MYO10: variants seen among roughly 807,000 people sequenced by gnomAD.
MYO10 encodes myosin X.
Under a neutral mutation model 257.3 loss-of-function variants are expected in MYO10, and 133 were observed. The observed-to-expected ratio is 0.52, with a 90% CI of 0.45 to 0.60. The LOEUF is 0.60. Ranked by LOEUF, MYO10 falls within the 20% of genes least tolerant of loss-of-function variation. MYO10 has a pLI of 0.00. For synonymous variants in MYO10, 1,104 were observed against 1,028.6 expected, an observed-to-expected ratio of 1.07 and a Z score of -1.40; for missense variants, 2,399 against 2,635.7, an observed-to-expected ratio of 0.91 and a Z score of 1.97.
intron 1 of MYO10, among the ~76,000 whole-genome samples, chr5:16,920,866 C>T (rs764164039): frequency 9.9e-5 from 15 of 152,034 alleles, no homozygotes; most frequent in Admixed American, 9.8e-4. Flanking sequence ...GCCTGTAATC[C>T]CAGCACTTTG....
intron 1 of MYO10, among the ~76,000 whole-genome samples, chr5:16,887,716 A>C (rs2625168): frequency 0.53 from 79,783 of 151,840 alleles, 21,842 homozygotes; most frequent in African/African-American, 0.69. Flanking sequence ...GTATCAAACG[A>C]CTGACCTCAG....
At position 16,856,989 on chromosome 5, in the gene MYO10, T is replaced by A. The variant is rs576299060; in HGVS notation, c.120+20620A>T. Among the ~76,000 whole-genome samples the A allele has an allele frequency of 1.8e-4, 28 of 152,342 alleles. 1 individual carries two copies. In the South Asian group the frequency reaches 5.6e-3, roughly 30 times the overall value. On this transcript the variant is annotated intron_variant, in intron 2 of 40. Transcript: ENST00000513610. Reference sequence around the variant, plus strand: ...AAAACAAGCAATATGTATCAGCCTATCATGGCAAATGATAAGTTAACGATT... The same window carrying A: ...AAAACAAGCAATATGTATCAGCCTAACATGGCAAATGATAAGTTAACGATT...
chr5:16,828,983 C>A (rs922493020), intron 2 of MYO10, among the ~76,000 whole-genome samples: 1 of 152,106 alleles, frequency 6.6e-6, no homozygotes, highest in Non-Finnish European at 1.5e-5. Context: ...GTTAGCTGGA[C>A]CCTGGGGATA....
chr5:16,762,702 G>C, intron 14 of MYO10, 65 bp from the exon 15 acceptor site: 1 of 1,244,418 alleles, frequency 8.0e-7, no homozygotes, highest in Non-Finnish European at 1.1e-6. Flanking sequence ...GGTAGCTCAT[G>C]CCTGTAATTC....
chr5:16,761,002 TA>T (rs1234198511), intron 17 of MYO10, among the ~76,000 whole-genome samples: 1 of 151,890 alleles, frequency 6.6e-6, no homozygotes, highest in Non-Finnish European at 1.5e-5. Context: ...TTTATTTATT[TA>T]TTTTGAGACA....
chr5:16,866,157 T>C (rs1744243347), intron 2 of MYO10, among the ~76,000 whole-genome samples: 1 of 151,780 alleles, frequency 6.6e-6, no homozygotes, highest in Non-Finnish European at 1.5e-5. Context: ...AAGAAACTAG[T>C]AATAGCAAAT....
At chr5:16,824,327 C>T (rs1302946451) in intron 2 of MYO10, among the ~76,000 whole-genome samples, 2 of 152,062 alleles carry the variant, frequency 1.3e-5, no homozygotes, top group Non-Finnish European at 2.9e-5. Context: ...TGGGGACACT[C>T]GACAACACCT....
intron 2 of MYO10, chr5:16,853,938 A>G (rs948497216): frequency 2.6e-5 from 4 of 152,158 alleles, no homozygotes; most frequent in Non-Finnish European, 4.4e-5. Flanking sequence ...CTATTAAAAA[A>G]AAAAAGCTGT....
intron 35 of MYO10, 65 bp downstream of exon 35, chr5:16,674,788 G>A: frequency 6.4e-7 from 1 of 1,560,204 alleles, no homozygotes; most frequent in South Asian, 1.1e-5. Context: ...ATCTGAACGA[G>A]GACCCAGTGC....
chr5:16,825,004 A>AAGG lies in MYO10; in HGVS notation c.121-6840_121-6838dup, dbSNP rs951327918. Among the ~76,000 whole-genome samples, 160 of 152,282 alleles carry AAGG rather than the reference A, an allele frequency of 1.1e-3. 1 individual carries two copies. Among genetic ancestry groups the AAGG allele is most frequent in the African/African-American group, 3.7e-3 (155 of 41,578 alleles). Reference sequence around the variant, plus strand: ...CATTCGTTTTTATTTGACCCAAGTTAAGGAGGAGGAGGAGGATTTCTAGGA... The same window carrying AAGG: ...CATTCGTTTTTATTTGACCCAAGTTAAGGAGGAGGAGGAGGAGGATTTCTAGGA... On this transcript the variant is annotated intron_variant, in intron 2 of 40. Transcript: ENST00000513610.
At chr5:16,691,050 A>ACT (rs1349836465) in intron 27 of MYO10, among the ~76,000 whole-genome samples, 1 of 151,210 alleles carries the variant, frequency 6.6e-6, no homozygotes, top group East Asian at 2.0e-4. Flanking sequence ...CGGGCGGATC[A>ACT]TGAGGTCAGG....
In MYO10 at chr5:16,673,797, G is replaced by A. The variant is rs368708280; in HGVS notation, c.5057C>T (p.Pro1686Leu). The change falls in exon 36 of 41, where the codon CCT (proline) becomes CTT (leucine). Residue 1686 changes from proline to leucine, a missense_variant. Coordinates refer to ENST00000513610, the MANE Select transcript of MYO10 (RefSeq NM_012334.3). ...CAGAGCTTCTATTTCATCTCGGGAA[G>A]GCACAAACTCTCGGCATTTGGTTTT... is the stretch of plus-strand genomic sequence containing the variant. ...LKKTKCREFV[P>L]SRDEIEALIH... The A allele has an allele frequency of 1.8e-5, 29 of 1,613,890 alleles. No individual in the cohort carries two copies. Among genetic ancestry groups the A allele is most frequent in the Non-Finnish European group, 2.2e-5 (26 of 1,179,914 alleles).
chr5:16,792,105 A>T (rs188664609), intron 4 of MYO10, among the ~76,000 whole-genome samples: 1 of 95,734 alleles, frequency 1.0e-5, no homozygotes, highest in African/African-American at 3.3e-5. Flanking sequence ...AGACACACAC[A>T]TACATACACA....
chr5:16,804,228 G>A (rs887388620), intron 3 of MYO10, among the ~76,000 whole-genome samples: 5 of 152,030 alleles, frequency 3.3e-5, no homozygotes, highest in African/African-American at 9.7e-5. Flanking sequence ...ACTCCAGGGC[G>A]ACCCACCCAC....
At chr5:16,728,882 C>T (rs1250858818) in intron 19 of MYO10, among the ~76,000 whole-genome samples, 1 of 152,220 alleles carries the variant, frequency 6.6e-6, no homozygotes, top group Non-Finnish European at 1.5e-5. Flanking sequence ...ACTCTTACAG[C>T]GATCTGATGT....
At chr5:16,859,746 A>AAATAAT (rs946701254) in intron 2 of MYO10, among the ~76,000 whole-genome samples, 1 of 152,004 alleles carries the variant, frequency 6.6e-6, no homozygotes, top group African/African-American at 2.4e-5. Flanking sequence ...CACTAACTCA[A>AAATAAT]AATAATAATA....
chr5:16,902,871 T>C (rs1333669345), intron 1 of MYO10, among the ~76,000 whole-genome samples: 3 of 152,206 alleles, frequency 2.0e-5, no homozygotes, highest in Admixed American at 6.5e-5. Context: ...CATTTATTCA[T>C]GCTACAAATA....
At chr5:16,692,617 G>A (rs4701670) in intron 27 of MYO10, among the ~76,000 whole-genome samples, 43,075 of 151,892 alleles carry the variant, frequency 0.28, 6,305 homozygotes, top group South Asian at 0.37. Context: ...AAAAGGAGGT[G>A]GTTTGCTGGG....
At chr5:16,706,314 C>A (rs1307095794) in intron 21 of MYO10, among the ~76,000 whole-genome samples, 1 of 151,762 alleles carries the variant, frequency 6.6e-6, no homozygotes, top group Non-Finnish European at 1.5e-5. Context: ...TATATATACA[C>A]ACACACACAC....
Sources: gnomAD v4.1 joint callset for allele counts (sites outside exome capture counted in the v4.1 genomes callset) on GRCh38, gnomAD v4.1.1 for gene constraint, MANE v1.5 for transcripts, NCBI Gene and HGNC (gene_info 2026-07-23, HGNC 2026-07-21) for gene names.